Variants in RANBP17 observed in about 807,000 individuals in gnomAD.
RANBP17 encodes the protein RAN binding protein 17.
RANBP17 carries 158 observed loss-of-function variants against 141.2 expected under a neutral mutation model. The ratio of observed to expected loss-of-function variants is 1.12; its 90% CI spans 0.98 to 1.28. The LOEUF is 1.28. Among genes scored for constraint, RANBP17 ranks in the 50% most tolerant of loss-of-function variants. RANBP17 has a pLI of 0.00. For missense variants in RANBP17, 1,438 were observed against 1,290.7 expected (o/e 1.11, Z -1.75); for synonymous variants, 430 against 450.0 (o/e 0.96, Z 0.56).
At chr5:170,869,745 A>G (rs775382603) in intron 1 of RANBP17, among the ~76,000 whole-genome samples, 1 of 152,182 alleles carries the variant, frequency 6.6e-6, no homozygotes, top group Non-Finnish European at 1.5e-5. Context: ...ATGATCTCAT[A>G]CCAAGATTCT....
intron 14 of RANBP17, among the ~76,000 whole-genome samples, chr5:171,033,379 T>C (rs1781673016): frequency 6.6e-6 from 1 of 152,132 alleles, no homozygotes; most frequent in East Asian, 1.9e-4. Context: ...ACTTTTGATG[T>C]TTCAAAGATG....
intron 22 of RANBP17, among the ~76,000 whole-genome samples, chr5:171,230,496 C>G (rs1764144916): frequency 6.6e-6 from 1 of 152,174 alleles, no homozygotes; most frequent in Non-Finnish European, 1.5e-5. Flanking sequence ...CACAGTGACT[C>G]ATGCCTGTAA....
At chr5:170,968,781 A>G (rs1338167439) in intron 14 of RANBP17, 3 of 451,224 alleles carry the variant, frequency 6.6e-6, no homozygotes, top group African/African-American at 2.0e-5. Context: ...TACATGATTA[A>G]ATAATGAGGA....
At chr5:171,105,003 G>T (rs948337566) in intron 14 of RANBP17, among the ~76,000 whole-genome samples, 11 of 152,054 alleles carry the variant, frequency 7.2e-5, no homozygotes, top group Admixed American at 3.9e-4. Flanking sequence ...ATTACATATT[G>T]TACGTTGATA....
intron 1 of RANBP17, among the ~76,000 whole-genome samples, chr5:170,867,826 A>G (rs76927166): frequency 0.03 from 4,620 of 152,262 alleles, 235 homozygotes; most frequent in African/African-American, 0.1. Context: ...CATCTGTGAA[A>G]TTGTCACCAA....
intron 18 of RANBP17, among the ~76,000 whole-genome samples, chr5:171,183,958 G>A (rs1396475326): frequency 6.6e-6 from 1 of 152,142 alleles, no homozygotes; most frequent in Non-Finnish European, 1.5e-5. Flanking sequence ...TGTTACACTG[G>A]TGCAAATGGT....
chr5:170,914,853 A>G (rs1362230876), intron 8 of RANBP17, among the ~76,000 whole-genome samples: 1 of 152,202 alleles, frequency 6.6e-6, no homozygotes, highest in African/African-American at 2.4e-5. Flanking sequence ...GTTATTAAAA[A>G]TTGTAAGTTT....
intron 14 of RANBP17, among the ~76,000 whole-genome samples, chr5:171,053,828 T>A (rs1312527482): frequency 6.8e-6 from 1 of 147,176 alleles, no homozygotes; most frequent in Non-Finnish European, 1.5e-5. Flanking sequence ...TCTTTCACCA[T>A]TGAATGTGAT....
At chr5:171,150,747 TCATACC>T (rs762652099) in intron 14 of RANBP17, among the ~76,000 whole-genome samples, 1 of 152,212 alleles carries the variant, frequency 6.6e-6, no homozygotes, top group Non-Finnish European at 1.5e-5. Flanking sequence ...AAAAATTCTG[TCATACC>T]CAAGAGATGA....
In RANBP17 at chr5:171,159,927, AAAAAAAAAAAAAAAG is replaced by A. The variant is rs1183185712; in HGVS notation, c.1711-10196_1711-10182del. The stretch of plus-strand genomic sequence containing the variant: ...AGTGAGACTCCATCTCAAAAAAAAA[AAAAAAAAAAAAAAAG>A]AAAAAAGAAGAAAATTTGGACAATT... On this transcript the variant is annotated intron_variant, in intron 14 of 27. Coordinates refer to ENST00000523189, the MANE Select transcript of RANBP17 (RefSeq NM_022897.5). 2.0e-4 allele frequency among the ~76,000 whole-genome samples: 30 copies of A among 150,834 alleles called. No individual in the cohort carries two copies. In the East Asian group the frequency reaches 5.8e-3, roughly 29 times the overall value.
At chr5:170,978,365 A>G (rs952936974) in intron 14 of RANBP17, among the ~76,000 whole-genome samples, 1 of 152,146 alleles carries the variant, frequency 6.6e-6, no homozygotes, top group Non-Finnish European at 1.5e-5. Flanking sequence ...GAAGAAATGA[A>G]TTTATATGTT....
chr5:170,913,736 G>A (rs951652022), intron 7 of RANBP17, among the ~76,000 whole-genome samples: 2 of 150,140 alleles, frequency 1.3e-5, no homozygotes, highest in Non-Finnish European at 3.0e-5. Flanking sequence ...ACAATCAAAT[G>A]AAGAAATAGT....
chr5:171,112,011 A>G (rs1755266907), intron 14 of RANBP17, among the ~76,000 whole-genome samples: 1 of 152,202 alleles, frequency 6.6e-6, no homozygotes, highest in African/African-American at 2.4e-5. Context: ...ATGTTTTTAT[A>G]AAATAATATG....
chr5:170,983,012 A>G, intron 14 of RANBP17: 1 of 434,518 alleles, frequency 2.3e-6, no homozygotes, highest in Non-Finnish European at 4.4e-6. Flanking sequence ...TAGAATAAAG[A>G]CCTTTTCACT....
chr5:170,986,406 C>G (rs1213892236), intron 14 of RANBP17, among the ~76,000 whole-genome samples: 1 of 151,810 alleles, frequency 6.6e-6, no homozygotes, highest in Non-Finnish European at 1.5e-5. Flanking sequence ...CTATAGTGAA[C>G]AATAATTTAT....
At chr5:170,938,802 G>GT (rs1263514476) in intron 12 of RANBP17, among the ~76,000 whole-genome samples, 1 of 152,072 alleles carries the variant, frequency 6.6e-6, no homozygotes, top group Non-Finnish European at 1.5e-5. Flanking sequence ...TAAAAGAGAC[G>GT]TTAAAGGATG....
chr5:171,218,613 C>T (rs184194573), intron 21 of RANBP17, among the ~76,000 whole-genome samples: 27 of 152,012 alleles, frequency 1.8e-4, no homozygotes, highest in African/African-American at 6.3e-4. Context: ...TGTATATTTA[C>T]GTTAGCTCTT....
chr5:171,148,262 A>C (rs929387642), intron 14 of RANBP17, among the ~76,000 whole-genome samples: 1 of 152,194 alleles, frequency 6.6e-6, no homozygotes, highest in African/African-American at 2.4e-5. Context: ...GGAAGGCCGC[A>C]GGTTCCTCTG....
At position 170,878,195 on chromosome 5, in the gene RANBP17, C is replaced by T. The variant is rs749927955; in HGVS notation, c.117C>T (p.Asp39=). 9 of 1,612,852 alleles carry T rather than the reference C, an allele frequency of 5.6e-6. No homozygotes were observed. In the East Asian group the frequency reaches 1.8e-4, roughly 32 times the overall value. The stretch of plus-strand genomic sequence containing the variant: ...AGAAAGCACTCTTGGAACTTATTGA[C>T]AGTCCAGAATGTCTCAGCAAGTGTC... ...EAEKALLELI[D]SPECLSKCQL... Residue 39 remains aspartate, a synonymous_variant, in exon 2 of 28, where the codon GAC becomes GAT. Coordinates refer to ENST00000523189, the MANE Select transcript of RANBP17 (RefSeq NM_022897.5).
Sources: allele counts gnomAD v4.1 joint callset (sites outside exome capture counted in the v4.1 genomes callset), GRCh38; gene constraint gnomAD v4.1.1; transcripts MANE v1.5; gene names NCBI Gene and HGNC (gene_info 2026-07-23, HGNC 2026-07-21).